KCNH8: variants seen among roughly 807,000 people sequenced by gnomAD.
The protein encoded by KCNH8 is potassium voltage-gated channel subfamily H member 8, also known as voltage-gated delayed rectifier potassium channel KCNH8.
In KCNH8, 70 loss-of-function variants were observed where a neutral mutation model predicts 103.6. The ratio of observed to expected loss-of-function variants is 0.68; its 90% CI spans 0.56 to 0.82. The LOEUF (loss-of-function observed/expected upper bound fraction) is 0.82. KCNH8 is among the 40% of genes least tolerant of loss of function. The pLI is 0.00. For synonymous variants in KCNH8, 498 were observed against 489.4 expected, an observed-to-expected ratio of 1.02 and a Z score of -0.23; for missense variants, 1,217 against 1,329.9, an observed-to-expected ratio of 0.92 and a Z score of 1.32.
Position 19,311,298 on chromosome 3 carries a change from T to A in KCNH8, c.442+29969T>A, listed in dbSNP as rs372018872. Among the ~76,000 whole-genome samples the A allele has an allele frequency of 2.6e-5, 4 of 151,866 alleles. No individual in the cohort carries two copies. In the South Asian group the frequency reaches 6.2e-4, roughly 24 times the overall value. Reference sequence around the variant, plus strand: ...ACAAAATACCTTGAAATAGGTATTCTTATTAACACCATTTTTAAAGATGAA... The same window carrying A: ...ACAAAATACCTTGAAATAGGTATTCATATTAACACCATTTTTAAAGATGAA... On this transcript the variant is annotated intron_variant, in intron 3 of 15. Transcript: ENST00000328405.
intron 7 of KCNH8, among the ~76,000 whole-genome samples, chr3:19,403,621 T>G (rs1380983328): frequency 1.3e-5 from 2 of 151,472 alleles, no homozygotes; most frequent in Non-Finnish European, 3.0e-5. Context: ...GTCACTGATT[T>G]GAAATGTAAA....
At chr3:19,420,497 G>A (rs2066934815) in intron 7 of KCNH8, among the ~76,000 whole-genome samples, 1 of 152,158 alleles carries the variant, frequency 6.6e-6, no homozygotes, top group African/African-American at 2.4e-5. Context: ...ATAAAATCAT[G>A]TTTTAGTGCT....
chr3:19,261,990 A>G (rs2064442729), intron 2 of KCNH8, among the ~76,000 whole-genome samples: 1 of 151,698 alleles, frequency 6.6e-6, no homozygotes, highest in African/African-American at 2.4e-5. Context: ...TGCCTGCACT[A>G]TTACATTTTT....
intron 7 of KCNH8, among the ~76,000 whole-genome samples, chr3:19,418,731 T>A (rs1229053574): frequency 1.3e-5 from 2 of 152,198 alleles, no homozygotes; most frequent in Non-Finnish European, 2.9e-5. Context: ...GTTTCTTGAT[T>A]GATATAATAA....
At chr3:19,473,652 T>C (rs2067909786) in intron 11 of KCNH8, among the ~76,000 whole-genome samples, 1 of 152,242 alleles carries the variant, frequency 6.6e-6, no homozygotes, top group Non-Finnish European at 1.5e-5. Flanking sequence ...GTTTCATTCT[T>C]GTAAGAAGAT....
In KCNH8 at chr3:19,253,818, C is replaced by G. The variant is rs377586865; in HGVS notation, c.241C>G (p.Leu81Val). 173 of 1,613,650 alleles carry G rather than the reference C, an allele frequency of 1.1e-4. No homozygotes were observed. The highest frequency in any genetic ancestry group is 4.7e-4 in the South Asian group (43 of 91,080). Reference protein sequence around the residue: ...FGVETNEQLMLQIEKSLEEKT... With the variant: ...FGVETNEQLMVQIEKSLEEKT... ...GGTTGAAACCAATGAGCAACTGATG[C>G]TTCAAATAGAAAAGTCACTGGAGGA... Residue 81 changes from leucine to valine, a missense_variant, in exon 2 of 16, where the codon CTT (leucine) becomes GTT (valine). Coordinates refer to ENST00000328405, the MANE Select transcript of KCNH8 (RefSeq NM_144633.3).
intron 5 of KCNH8, among the ~76,000 whole-genome samples, chr3:19,364,677 A>G (rs1178487647): frequency 2.6e-5 from 4 of 152,124 alleles, no homozygotes; most frequent in Non-Finnish European, 5.9e-5. Context: ...TACATGTCAG[A>G]ATATCTTGGT....
At chr3:19,523,622 T>G (rs1016598389) in intron 15 of KCNH8, among the ~76,000 whole-genome samples, 1 of 151,978 alleles carries the variant, frequency 6.6e-6, no homozygotes, top group Admixed American at 6.6e-5. Context: ...GTTGTTCGGT[T>G]TGAAAGATAA....
intron 7 of KCNH8, among the ~76,000 whole-genome samples, chr3:19,437,690 A>G (rs994337040): frequency 4.6e-5 from 7 of 152,210 alleles, no homozygotes; most frequent in African/African-American, 1.7e-4. Context: ...GAATGGAAAT[A>G]AAGTCTATCT....
intron 15 of KCNH8, among the ~76,000 whole-genome samples, chr3:19,531,362 T>C (rs557431231): frequency 1.3e-5 from 2 of 152,346 alleles, no homozygotes; most frequent in East Asian, 3.9e-4. Context: ...TGCTTTAGAA[T>C]TGAAGCTTGG....
Position 19,307,827 on chromosome 3 carries a change from T to G in KCNH8, c.442+26498T>G, listed in dbSNP as rs1265364458. Among the ~76,000 whole-genome samples the G allele has an allele frequency of 4.6e-5, 7 of 151,984 alleles. No individual in the cohort carries two copies. The East Asian group carries it at 1.2e-3, about 25-fold the overall frequency. On this transcript the variant is annotated intron_variant, in intron 3 of 15. Transcript: ENST00000328405. ...AACAGTATGTGTTCTCACTCATATA[T>G]GGAAGCTAAAAAAAGTTGATCTGAC...
At chr3:19,431,828 C>A (rs185499954) in intron 7 of KCNH8, among the ~76,000 whole-genome samples, 1 of 152,002 alleles carries the variant, frequency 6.6e-6, no homozygotes, top group South Asian at 2.1e-4. Context: ...TTTGTTTTTT[C>A]GTGGGGTCAG....
Position 19,535,116 on chromosome 3 carries a change from A to C in KCNH8, c.*1017A>C, listed in dbSNP as rs1190616520. 1 of 152,160 alleles carries C rather than the reference A, an allele frequency of 6.6e-6. No individual in the cohort carries two copies. The highest frequency in any genetic ancestry group is 1.5e-5 in the Non-Finnish European group (1 of 68,022). The allele number at this position is 152,160 out of a possible 1,614,324, so 9.4% of individuals were successfully genotyped here. A position where few individuals can be genotyped will look rare whatever the true frequency, so the allele number is the denominator to read the frequency against. ...CGTATTTTGTTGCTCAAGAATCCAA[A>C]ATGGGTCTGTGGACATAGGGCAATT... is the stretch of plus-strand genomic sequence containing the variant. On this transcript the variant is annotated 3_prime_UTR_variant, in exon 16 of 16. Transcript: ENST00000328405.
In KCNH8 at chr3:19,496,160, T is replaced by C. The variant is rs1218857693; in HGVS notation, c.2041-14203T>C. 6.6e-5 allele frequency among the ~76,000 whole-genome samples: 10 copies of C among 152,276 alleles called. No individual in the cohort carries two copies. The East Asian group carries it at 1.9e-3, about 29-fold the overall frequency. ...GTCTGCACACAGGGATATTTTGACT[T>C]TCTCTCTTATTTGGATGCCTTTTAT... On this transcript the variant is annotated intron_variant, in intron 11 of 15. Coordinates refer to ENST00000328405, the MANE Select transcript of KCNH8 (RefSeq NM_144633.3).
At chr3:19,380,875 T>C (rs1405263696) in intron 5 of KCNH8, among the ~76,000 whole-genome samples, 2 of 152,176 alleles carry the variant, frequency 1.3e-5, no homozygotes, top group African/African-American at 4.8e-5. Flanking sequence ...AGAAATAAAA[T>C]TCTAGCAAAA....
chr3:19,411,325 A>T (rs541274373), intron 7 of KCNH8, among the ~76,000 whole-genome samples: 1 of 152,146 alleles, frequency 6.6e-6, no homozygotes, highest in East Asian at 1.9e-4. Context: ...TCCTTTTGTT[A>T]CAAAAACTCT....
chr3:19,423,510 G>A (rs1042745376), intron 7 of KCNH8, among the ~76,000 whole-genome samples: 4 of 151,992 alleles, frequency 2.6e-5, no homozygotes, highest in South Asian at 2.1e-4. Flanking sequence ...TCACTTATAA[G>A]TGAGAACATA....
intron 5 of KCNH8, among the ~76,000 whole-genome samples, chr3:19,374,242 C>A (rs1256978737): frequency 6.6e-6 from 1 of 151,418 alleles, no homozygotes. Context: ...GTGTGGGAGT[C>A]TAAGTCTCTT....
intron 2 of KCNH8, among the ~76,000 whole-genome samples, chr3:19,254,354 A>G (rs1006944742): frequency 6.6e-6 from 1 of 152,102 alleles, no homozygotes; most frequent in Admixed American, 6.6e-5. Context: ...AAATTGGCAT[A>G]TGCATTTTCT....
Sources: allele counts gnomAD v4.1 joint callset (sites outside exome capture counted in the v4.1 genomes callset), GRCh38; gene constraint gnomAD v4.1.1; transcripts MANE v1.5; gene names NCBI Gene and HGNC (gene_info 2026-07-23, HGNC 2026-07-21).